DENND1B: variants seen among roughly 807,000 people sequenced by gnomAD.
The protein encoded by DENND1B is DENN domain containing 1B, also known as DENN domain-containing protein 1B.
Under a neutral mutation model 90.1 loss-of-function variants are expected in DENND1B, and 59 were observed. That is an observed-to-expected ratio of 0.65 (90% confidence interval 0.53 to 0.81). The LOEUF (loss-of-function observed/expected upper bound fraction) is 0.81. Among genes scored for constraint, DENND1B ranks in the 40% least tolerant of loss-of-function variants. The pLI, the probability that DENND1B is intolerant of heterozygous loss-of-function variation, is 0.00. For synonymous variants in DENND1B, 337 were observed against 324.6 expected (o/e 1.04, Z -0.41); for missense variants, 862 against 912.6 (o/e 0.94, Z 0.71).
At chr1:197,595,379 T>A in intron 13 of DENND1B, 46 bp from the exon 14 acceptor site, 1 of 1,598,502 alleles carries the variant, frequency 6.3e-7, no homozygotes, top group Non-Finnish European at 8.5e-7. Flanking sequence ...CAGAAATTGG[T>A]ACAGCGAGGT....
At chr1:197,551,904 C>T (rs1360443119) in intron 16 of DENND1B, among the ~76,000 whole-genome samples, 1 of 152,096 alleles carries the variant, frequency 6.6e-6, no homozygotes, top group Non-Finnish European at 1.5e-5. Flanking sequence ...AGCTTACTTT[C>T]TGAGTCAAGC....
intron 3 of DENND1B, among the ~76,000 whole-genome samples, chr1:197,713,938 T>C (rs1419667685): frequency 2.5e-5 from 1 of 40,322 alleles, no homozygotes; most frequent in Non-Finnish European, 6.0e-5. Flanking sequence ...ATACATATAT[T>C]ATATACATAT....
chr1:197,608,490 A>C (rs1265223972), intron 12 of DENND1B, among the ~76,000 whole-genome samples: 2 of 150,666 alleles, frequency 1.3e-5, no homozygotes, highest in Non-Finnish European at 3.0e-5. Flanking sequence ...ATATATGTGT[A>C]GTTACCTATA....
intron 3 of DENND1B, among the ~76,000 whole-genome samples, chr1:197,678,983 C>T (rs1040115547): frequency 2.0e-5 from 3 of 152,036 alleles, no homozygotes; most frequent in Non-Finnish European, 4.4e-5. Context: ...TTTACCCCTC[C>T]TCCTTAAATT....
At chr1:197,575,899 A>G (rs1673634708) in intron 15 of DENND1B, among the ~76,000 whole-genome samples, 2 of 152,156 alleles carry the variant, frequency 1.3e-5, no homozygotes, top group Admixed American at 1.3e-4. Flanking sequence ...ACTTGGACAC[A>G]GGGCGGGAAC....
intron 15 of DENND1B, among the ~76,000 whole-genome samples, chr1:197,573,947 T>A (rs537239577): frequency 6.6e-6 from 1 of 152,280 alleles, no homozygotes; most frequent in African/African-American, 2.4e-5. Context: ...GGAACATATC[T>A]CAAAATAATA....
intron 2 of DENND1B, among the ~76,000 whole-genome samples, chr1:197,729,519 T>C (rs1477835081): frequency 1.3e-5 from 2 of 152,152 alleles, no homozygotes; most frequent in Admixed American, 1.3e-4. Context: ...TGCCCTTATT[T>C]TCACTACATA....
At chr1:197,713,758 A>AT (rs1558432406) in intron 3 of DENND1B, among the ~76,000 whole-genome samples, 11 of 77,658 alleles carry the variant, frequency 1.4e-4, no homozygotes, top group African/African-American at 5.1e-4. Context: ...TAAAAAAAAA[A>AT]TAATTATATT....
chr1:197,626,320 G>A (rs1257505274), intron 10 of DENND1B, among the ~76,000 whole-genome samples: 2 of 152,112 alleles, frequency 1.3e-5, no homozygotes, highest in Admixed American at 1.3e-4. Flanking sequence ...ATAACAAACT[G>A]TCTCTCAGAC....
At chr1:197,584,697 G>A (rs1286226050) in intron 14 of DENND1B, among the ~76,000 whole-genome samples, 2 of 151,984 alleles carry the variant, frequency 1.3e-5, no homozygotes, top group Non-Finnish European at 2.9e-5. Context: ...GGTTGGGGAG[G>A]GTGTCATTCT....
At chr1:197,770,430 G>GA (rs1283886781) in intron 2 of DENND1B, among the ~76,000 whole-genome samples, 1 of 151,868 alleles carries the variant, frequency 6.6e-6, no homozygotes, top group East Asian at 1.9e-4. Context: ...AAAAGAGGAA[G>GA]AAGGGAGTAA....
intron 10 of DENND1B, among the ~76,000 whole-genome samples, chr1:197,623,313 T>G (rs1434115981): frequency 6.6e-6 from 1 of 151,504 alleles, no homozygotes; most frequent in Non-Finnish European, 1.5e-5. Context: ...CAGATGGGAA[T>G]GTAATGAATT....
chr1:197,579,690 A>G (rs1674022818), intron 15 of DENND1B, among the ~76,000 whole-genome samples: 1 of 152,104 alleles, frequency 6.6e-6, no homozygotes, highest in African/African-American at 2.4e-5. Flanking sequence ...ATGTCTATCA[A>G]CTTCCTATAT....
At chr1:197,763,052 T>C (rs536234453) in intron 2 of DENND1B, among the ~76,000 whole-genome samples, 16 of 152,320 alleles carry the variant, frequency 1.1e-4, no homozygotes, top group Admixed American at 1.0e-3. Context: ...GGCTCACACC[T>C]GTAATCCCAG....
At position 197,546,760 on chromosome 1, in the gene DENND1B, T is replaced by C; in HGVS notation, c.1254A>G (p.Ser418=). ...TGACTGTATGCACCCATTGTTGATA[T>C]GACCTCGGGTTCCCTGGAATATATA... ...SGGFCGGNPR[S]YQQWVHTVKK... is the part of the protein sequence containing the mutation. The change falls in exon 17 of 23, where the codon TCA becomes TCG. Residue 418 remains serine, a synonymous_variant. Transcript: ENST00000620048. 3 of 1,546,118 alleles carry C rather than the reference T, an allele frequency of 1.9e-6. No individual in the cohort carries two copies. Among genetic ancestry groups the C allele is most frequent in the Middle Eastern group, 1.7e-4 (1 of 5,976 alleles).
In DENND1B at chr1:197,553,106, C is replaced by T. The variant is rs756328709; in HGVS notation, c.1156G>A (p.Asp386Asn). The change falls in exon 16 of 23, where the codon GAT (aspartate) becomes AAT (asparagine). Residue 386 changes from aspartate (D) to asparagine (N), a missense_variant. Asp to Asn is a conservative substitution (Grantham distance 23). Coordinates refer to ENST00000620048, the MANE Select transcript of DENND1B (RefSeq NM_001195215.2). ...GCATTTAGTTTTGCCAGTCGACCATCGATAAACTAGAATTAAAAAGTGTCA... is the reference window on the plus strand; with the variant it reads ...GCATTTAGTTTTGCCAGTCGACCATTGATAAACTAGAATTAAAAAGTGTCA... ...INLQLFKQFI[D>N]GRLAKLNAGR... The T allele has an allele frequency of 6.6e-6, 10 of 1,517,622 alleles. No individual in the cohort carries two copies. Among genetic ancestry groups the T allele is most frequent in the Admixed American group, 2.5e-5 (1 of 39,998 alleles). The allele number at this position is 1,517,622 out of a possible 1,614,324, so 94.0% of individuals were successfully genotyped here.
At chr1:197,746,288 G>A (rs1369537951) in intron 2 of DENND1B, among the ~76,000 whole-genome samples, 4 of 152,084 alleles carry the variant, frequency 2.6e-5, no homozygotes, top group Non-Finnish European at 4.4e-5. Context: ...CCAGCTACTC[G>A]GGAGGCTGAG....
In DENND1B at chr1:197,709,840, C is replaced by T. The variant is rs1195951030; in HGVS notation, c.126+5191G>A. Among the ~76,000 whole-genome samples, 823 of 139,478 alleles carry T rather than the reference C, an allele frequency of 5.9e-3. 1 individual carries two copies. The highest frequency in any genetic ancestry group is 1.0e-2 in the Non-Finnish European group (644 of 64,484). 91.5% of individuals were successfully genotyped at this position (139,478 alleles called of 152,430 possible). ...TGCTGTATTCAGGAAACCCATCTCA[C>T]GTGCAGAGACACACATAGGCTCAAA... On this transcript the variant is annotated intron_variant, in intron 3 of 22. Transcript: ENST00000620048.
At chr1:197,729,611 G>A (rs1235907020) in intron 2 of DENND1B, among the ~76,000 whole-genome samples, 1 of 151,994 alleles carries the variant, frequency 6.6e-6, no homozygotes, top group Non-Finnish European at 1.5e-5. Context: ...AAAGAAATAG[G>A]CAATTAAATA....
Sources: gnomAD v4.1 joint callset for allele counts (sites outside exome capture counted in the v4.1 genomes callset) on GRCh38, gnomAD v4.1.1 for gene constraint, MANE v1.5 for transcripts, NCBI Gene and HGNC (gene_info 2026-07-23, HGNC 2026-07-21) for gene names.